The following BCAS3 variants were observed in gnomAD, a reference collection of about 807,000 sequenced individuals.
BCAS3 encodes BCAS4/BCAS3 fusion.
BCAS3 carries 53 observed loss-of-function variants against 116.1 expected under a neutral mutation model. The observed-to-expected ratio is 0.46, with a 90% confidence interval of 0.37 to 0.57. The LOEUF (loss-of-function observed/expected upper bound fraction) is 0.57, where lower values mean the gene tolerates loss of function less well. Among genes scored for constraint, BCAS3 ranks in the 20% least tolerant of loss-of-function variants. BCAS3 has a pLI of 0.00. For missense variants in BCAS3, 917 were observed against 1,165.4 expected (o/e 0.79, Z 3.10); for synonymous variants, 391 against 408.2 (o/e 0.96, Z 0.51).
chr17:61,331,571 T>C (rs2056290497), intron 22 of BCAS3, among the ~76,000 whole-genome samples: 2 of 152,104 alleles, frequency 1.3e-5, no homozygotes, highest in African/African-American at 4.8e-5. Flanking sequence ...AGTGGGAGGA[T>C]CACTTGAGCA....
intron 6 of BCAS3, among the ~76,000 whole-genome samples, chr17:60,749,818 T>C (rs1375124410): frequency 2.0e-5 from 3 of 152,216 alleles, no homozygotes; most frequent in Admixed American, 6.5e-5. Context: ...AAAAGAATTA[T>C]ACATCAGGAC....
rs1020250123 is a variant in BCAS3 at position 61,278,077 on chromosome 17, C to G, written c.2426-90250C>G. 6.6e-6 allele frequency among the ~76,000 whole-genome samples: 1 copy of G among 152,222 alleles called. No individual in the cohort carries two copies. Among genetic ancestry groups the G allele is most frequent in the African/African-American group, 2.4e-5 (1 of 41,470 alleles). On this transcript the variant is annotated intron_variant, in intron 22 of 23. Coordinates refer to ENST00000407086, the MANE Select transcript of BCAS3 (RefSeq NM_017679.5). This position sits in a 1 kb window ranked among gnomAD's most constrained non-coding sequence, Gnocchi z 5.8. Reference sequence around the variant, plus strand: ...TGTTTGACGGAGTCACACTGTGTAGCCCAGGCTGGAGTGAGGTGGTACAAT... The same window carrying G: ...TGTTTGACGGAGTCACACTGTGTAGGCCAGGCTGGAGTGAGGTGGTACAAT...
intron 22 of BCAS3, among the ~76,000 whole-genome samples, chr17:61,153,569 G>A (rs1012524382): frequency 6.6e-6 from 1 of 152,182 alleles, no homozygotes; most frequent in Admixed American, 6.5e-5. Flanking sequence ...ATTCATAAGA[G>A]AAGTTAGCTT....
intron 7 of BCAS3, among the ~76,000 whole-genome samples, chr17:60,845,009 C>T (rs1235975368): frequency 6.6e-6 from 1 of 152,170 alleles, no homozygotes; most frequent in African/African-American, 2.4e-5. Context: ...GCAGGTGGAT[C>T]ACCTGAGGTC....
At chr17:60,929,461 A>G in intron 13 of BCAS3, among the ~76,000 whole-genome samples, 1 of 152,134 alleles carries the variant, frequency 6.6e-6, no homozygotes, top group Non-Finnish European at 1.5e-5. Flanking sequence ...AAAATGAGGT[A>G]GTTCTCTGCA....
At chr17:61,147,084 T>A (rs2077265232) in intron 22 of BCAS3, among the ~76,000 whole-genome samples, 1 of 151,412 alleles carries the variant, frequency 6.6e-6, no homozygotes, top group Non-Finnish European at 1.5e-5. Flanking sequence ...CTGGCTAATT[T>A]TTTTTTTTGA....
intron 22 of BCAS3, among the ~76,000 whole-genome samples, chr17:61,201,759 C>CTTT (rs34301859): frequency 0.12 from 16,367 of 142,064 alleles, 1,218 homozygotes; most frequent in African/African-American, 0.21. Context: ...AGGAAACTAA[C>CTTT]TTTTTTTTTT....
chr17:61,108,972 G>A (rs955210618), intron 22 of BCAS3, among the ~76,000 whole-genome samples: 2 of 152,064 alleles, frequency 1.3e-5, no homozygotes, highest in African/African-American at 4.8e-5. Context: ...CGGATCACGA[G>A]GTCAAGAGAT....
In BCAS3 at chr17:61,131,454, C is replaced by T. The variant is rs1001843039; in HGVS notation, c.2425+46890C>T. ...TAAGCCAGGGGTATAAATTACAATT[C>T]GTTAAATAAATTCATAATATATTTT... On this transcript the variant is annotated intron_variant, in intron 22 of 23. Coordinates refer to ENST00000407086, the MANE Select transcript of BCAS3 (RefSeq NM_017679.5). The surrounding 1 kb of genome is among the most constrained non-coding windows in gnomAD (Gnocchi z 4.4). Among the ~76,000 whole-genome samples, 9 of 152,150 alleles carry T rather than the reference C, an allele frequency of 5.9e-5. No individual in the cohort carries two copies. Among genetic ancestry groups the T allele is most frequent in the East Asian group, 1.9e-4 (1 of 5,174 alleles).
At chr17:60,781,507 G>A (rs1447861706) in intron 6 of BCAS3, among the ~76,000 whole-genome samples, 1 of 152,068 alleles carries the variant, frequency 6.6e-6, no homozygotes. Context: ...GCTGAGGCAC[G>A]AGAATCTCTT....
At position 61,388,755 on chromosome 17, in the gene BCAS3, G is replaced by T; in HGVS notation, c.2594-3222G>T. ...TGCCGCTTGCTCGTAGGGCTGGGCG[G>T]CCGGGATGACTTGGAGGGGGGAATC... is the stretch of plus-strand genomic sequence containing the variant. On this transcript the variant is annotated intron_variant, in intron 23 of 23. Coordinates refer to ENST00000407086, the MANE Select transcript of BCAS3 (RefSeq NM_017679.5). The surrounding 1 kb of genome is among the most constrained non-coding windows in gnomAD (Gnocchi z 6.5). 1 of 1,511,910 alleles carries T rather than the reference G, an allele frequency of 6.6e-7. No homozygotes were observed. Among genetic ancestry groups the T allele is most frequent in the Non-Finnish European group, 8.9e-7 (1 of 1,128,030 alleles). 93.7% of individuals were successfully genotyped at this position (1,511,910 alleles called of 1,614,324 possible).
intron 19 of BCAS3, among the ~76,000 whole-genome samples, chr17:61,066,371 A>G (rs1305570260): frequency 2.6e-5 from 4 of 152,228 alleles, no homozygotes; most frequent in Admixed American, 1.3e-4. Flanking sequence ...GTGCTTGTTT[A>G]TATAAAGAGG....
intron 22 of BCAS3, among the ~76,000 whole-genome samples, chr17:61,165,517 T>C (rs2078436319): frequency 1.3e-5 from 2 of 152,186 alleles, no homozygotes; most frequent in Middle Eastern, 3.4e-3. Flanking sequence ...AGAAACCCCA[T>C]CTCTACTAAA....
chr17:60,795,676 A>T (rs1264352015), intron 6 of BCAS3, among the ~76,000 whole-genome samples: 1 of 152,096 alleles, frequency 6.6e-6, no homozygotes, highest in African/African-American at 2.4e-5. Context: ...TGAGATGAGC[A>T]TGTGATTTTG....
chr17:60,793,628 C>T (rs1391383389), intron 6 of BCAS3, among the ~76,000 whole-genome samples: 1 of 152,084 alleles, frequency 6.6e-6, no homozygotes, highest in African/African-American at 2.4e-5. Context: ...GCCTAGCTCC[C>T]ACATATTAGT....
chr17:60,932,038 G>A (rs541825314), intron 13 of BCAS3, among the ~76,000 whole-genome samples: 47 of 151,990 alleles, frequency 3.1e-4, no homozygotes, highest in African/African-American at 1.1e-3. Context: ...GCGCCACTGT[G>A]CTCCAGCCTG....
At chr17:61,108,025 C>T (rs1478070927) in intron 22 of BCAS3, among the ~76,000 whole-genome samples, 3 of 152,202 alleles carry the variant, frequency 2.0e-5, no homozygotes, top group East Asian at 1.9e-4. Flanking sequence ...ATTGAAGTCT[C>T]CAGCTATAAC....
chr17:60,977,706 C>T (rs369053234), intron 14 of BCAS3, among the ~76,000 whole-genome samples: 3 of 149,616 alleles, frequency 2.0e-5, no homozygotes, highest in African/African-American at 7.5e-5. Context: ...CCTGTGTCCA[C>T]CTGTTCTCAT....
chr17:60,765,191 T>C (rs2043964287), intron 6 of BCAS3, among the ~76,000 whole-genome samples: 2 of 152,220 alleles, frequency 1.3e-5, no homozygotes, highest in South Asian at 4.1e-4. Context: ...CCCATTTACA[T>C]TTAAGGTTAA....
Sources: allele counts gnomAD v4.1 joint callset (sites outside exome capture counted in the v4.1 genomes callset), GRCh38; gene constraint gnomAD v4.1.1; non-coding constraint Gnocchi (gnomAD v3.1); transcripts MANE v1.5; gene names NCBI Gene and HGNC (gene_info 2026-07-23, HGNC 2026-07-21).